Variants in THRB observed in about 807,000 individuals in gnomAD.
THRB encodes the protein thyroid hormone receptor beta.
THRB carries 12 observed loss-of-function variants against 47.8 expected under a neutral mutation model. The observed-to-expected ratio is 0.25, with a 90% CI of 0.16 to 0.41. The LOEUF (loss-of-function observed/expected upper bound fraction) is 0.41. Among genes scored for constraint, THRB ranks in the 10% least tolerant of loss-of-function variants. The pLI is 1.00. For missense variants in THRB, 348 were observed against 589.2 expected (o/e 0.59, Z 4.24); for synonymous variants, 218 against 212.2 (o/e 1.03, Z -0.24).
intron 2 of THRB, among the ~76,000 whole-genome samples, chr3:24,314,694 A>G (rs2057994318): frequency 6.6e-6 from 1 of 152,162 alleles, no homozygotes; most frequent in Non-Finnish European, 1.5e-5. Context: ...CAGATCGCAC[A>G]TTCCCAATTC....
intron 1 of THRB, among the ~76,000 whole-genome samples, chr3:24,372,654 T>C (rs1421873565): frequency 6.6e-6 from 1 of 152,086 alleles, no homozygotes; most frequent in African/African-American, 2.4e-5. Context: ...CCCATTCACA[T>C]AATATCTTCT....
At chr3:24,399,264 A>G (rs2067216957) in intron 1 of THRB, among the ~76,000 whole-genome samples, 1 of 152,038 alleles carries the variant, frequency 6.6e-6, no homozygotes, top group Admixed American at 6.6e-5. Flanking sequence ...AAAAGTCCAC[A>G]TATATAATTG....
At chr3:24,486,229 C>T (rs1484244999) in intron 1 of THRB, among the ~76,000 whole-genome samples, 1 of 152,156 alleles carries the variant, frequency 6.6e-6, no homozygotes, top group Non-Finnish European at 1.5e-5. Flanking sequence ...TATCTGGCCG[C>T]AAATGCCATA....
intron 1 of THRB, among the ~76,000 whole-genome samples, chr3:24,399,013 G>A (rs2067195017): frequency 1.3e-5 from 2 of 151,836 alleles, no homozygotes; most frequent in South Asian, 2.1e-4. Flanking sequence ...TCACTCATAG[G>A]TGGGAATTGA....
chr3:24,230,971 G>A (rs1167732596), intron 3 of THRB, among the ~76,000 whole-genome samples: 1 of 152,318 alleles, frequency 6.6e-6, no homozygotes, highest in East Asian at 1.9e-4. Flanking sequence ...GTGAGAGAGA[G>A]GATCCATCTG....
At chr3:24,151,093 C>T (rs2683545) in intron 6 of THRB, among the ~76,000 whole-genome samples, 31,214 of 152,060 alleles carry the variant, frequency 0.21, 3,340 homozygotes, top group Admixed American at 0.3. Context: ...TAAAGGACTA[C>T]GAATTCCAGA....
intron 5 of THRB, among the ~76,000 whole-genome samples, chr3:24,178,616 G>C (rs2041480965): frequency 6.6e-6 from 1 of 152,162 alleles, no homozygotes; most frequent in African/African-American, 2.4e-5. Flanking sequence ...CTGTGAAACG[G>C]TTCCAGACTA....
At chr3:24,335,290 T>C (rs1419732023) in intron 2 of THRB, among the ~76,000 whole-genome samples, 10 of 152,164 alleles carry the variant, frequency 6.6e-5, no homozygotes. Context: ...ACGTTACAGG[T>C]TTCATTGCTT....
intron 1 of THRB, among the ~76,000 whole-genome samples, chr3:24,365,962 G>A (rs2064427717): frequency 1.3e-5 from 2 of 152,154 alleles, no homozygotes; most frequent in Non-Finnish European, 2.9e-5. Flanking sequence ...GAGGAAATAA[G>A]ATATTCTAAT....
At position 24,122,488 on chromosome 3, in the gene THRB, C is replaced by T. The variant is rs149900488; in HGVS notation, c.*396G>A. Reference sequence around the variant, plus strand: ...CTGTGCTCTGTTAACTTCAGCCCTGCGAACATCAGGATTGGGTGGAGGTGG... The same window carrying T: ...CTGTGCTCTGTTAACTTCAGCCCTGTGAACATCAGGATTGGGTGGAGGTGG... On this transcript the variant is annotated 3_prime_UTR_variant, in exon 11 of 11. Coordinates refer to ENST00000646209, the MANE Select transcript of THRB (RefSeq NM_001354712.2). 5.5e-4 allele frequency: 167 copies of T among 305,480 alleles called. No homozygotes were observed. Among genetic ancestry groups the T allele is most frequent in the African/African-American group, 3.1e-3 (145 of 46,396 alleles). The allele number at this position is 305,480 out of a possible 1,614,324, so 18.9% of individuals were successfully genotyped here. A position where few individuals can be genotyped will look rare whatever the true frequency, so the allele number is the denominator to read the frequency against.
chr3:24,179,167 C>T (rs1433336837), intron 5 of THRB, among the ~76,000 whole-genome samples: 1 of 152,162 alleles, frequency 6.6e-6, no homozygotes, highest in East Asian at 1.9e-4. Context: ...GAGACAAGTC[C>T]TCTCTCCAGC....
At chr3:24,362,128 C>T (rs2064117485) in intron 1 of THRB, among the ~76,000 whole-genome samples, 1 of 152,108 alleles carries the variant, frequency 6.6e-6, no homozygotes, top group South Asian at 2.1e-4. Flanking sequence ...CACACTGATT[C>T]TTTTAAAAGA....
At chr3:24,405,063 G>A (rs1325564925) in intron 1 of THRB, among the ~76,000 whole-genome samples, 1 of 151,936 alleles carries the variant, frequency 6.6e-6, no homozygotes, top group Non-Finnish European at 1.5e-5. Flanking sequence ...GTGTGAGTTT[G>A]AACAATTTTA....
chr3:24,167,730 T>C (rs959278918), intron 5 of THRB, among the ~76,000 whole-genome samples: 7 of 152,150 alleles, frequency 4.6e-5, no homozygotes, highest in African/African-American at 1.4e-4. Context: ...CTCCCTCTCT[T>C]TCTCATTAAA....
In THRB at chr3:24,313,755, T is replaced by C. The variant is rs569964493; in HGVS notation, c.-188-16384A>G. ...AATATTTCAAGTACATTTCCTTTTC[T>C]ACACTGTTCATTCACAGTTTGGTTC... On this transcript the variant is annotated intron_variant, in intron 2 of 10. Transcript: ENST00000646209. Among the ~76,000 whole-genome samples, 8 of 152,214 alleles carry C rather than the reference T, an allele frequency of 5.3e-5. No individual in the cohort carries two copies. In the East Asian group the frequency reaches 1.5e-3, roughly 29 times the overall value.
At chr3:24,275,173 A>C (rs1040725586) in intron 3 of THRB, among the ~76,000 whole-genome samples, 2 of 152,212 alleles carry the variant, frequency 1.3e-5, no homozygotes, top group Non-Finnish European at 2.9e-5. Context: ...GTCATTTTTA[A>C]ATTCACACAA....
intron 1 of THRB, among the ~76,000 whole-genome samples, chr3:24,452,670 G>C (rs1282368031): frequency 6.6e-6 from 1 of 152,026 alleles, no homozygotes; most frequent in Non-Finnish European, 1.5e-5. Flanking sequence ...CGTGGGGGCT[G>C]TCCATGACCC....
At chr3:24,176,528 G>A (rs2683537) in intron 5 of THRB, among the ~76,000 whole-genome samples, 152,306 of 152,310 alleles carry the variant, frequency 1, 76,151 homozygotes, top group Middle Eastern at 1. Flanking sequence ...CTATGCCACA[G>A]CTGATGTAGT....
intron 4 of THRB, among the ~76,000 whole-genome samples, chr3:24,218,310 CAAAT>C (rs1208214514): frequency 1.1e-4 from 15 of 141,090 alleles, no homozygotes; most frequent in African/African-American, 3.1e-4. Context: ...TAAAGAATAA[CAAAT>C]AAATTTTTTG....
Sources: allele counts gnomAD v4.1 joint callset (sites outside exome capture counted in the v4.1 genomes callset), GRCh38; gene constraint gnomAD v4.1.1; transcripts MANE v1.5; gene names NCBI Gene and HGNC (gene_info 2026-07-23, HGNC 2026-07-21).